ELF1: variants seen among roughly 807,000 people sequenced by gnomAD.
The protein encoded by ELF1 is ETS-related transcription factor Elf-1.
In ELF1, 24 loss-of-function variants were observed where a neutral mutation model predicts 59.9. That is an observed-to-expected ratio of 0.40 (90% CI 0.29 to 0.56). The LOEUF (loss-of-function observed/expected upper bound fraction) is 0.56, where lower values mean the gene tolerates loss of function less well. Ranked by LOEUF, ELF1 falls within the 20% of genes least tolerant of loss-of-function variation. The pLI is 0.44. For missense variants in ELF1, 627 were observed against 742.2 expected (o/e 0.84, Z 1.80); for synonymous variants, 248 against 266.2 (o/e 0.93, Z 0.67).
At chr13:41,011,384 C>A (rs1189479265) in intron 1 of ELF1, among the ~76,000 whole-genome samples, 4 of 152,168 alleles carry the variant, frequency 2.6e-5, no homozygotes, top group Non-Finnish European at 4.4e-5. Flanking sequence ...TTATTTGGGA[C>A]AGACACACAG....
intron 1 of ELF1, among the ~76,000 whole-genome samples, chr13:41,050,566 A>AT (rs1001992353): frequency 1.3e-5 from 2 of 152,192 alleles, no homozygotes; most frequent in East Asian, 1.9e-4. Flanking sequence ...TTCAAAAAAA[A>AT]TTTTTTTTGA....
At chr13:40,955,475 C>A in intron 3 of ELF1, among the ~76,000 whole-genome samples, 1 of 120,806 alleles carries the variant, frequency 8.3e-6, no homozygotes, top group Non-Finnish European at 1.8e-5. Context: ...TGAGGGGCGC[C>A]TCTGCCCGGC....
intron 1 of ELF1, among the ~76,000 whole-genome samples, chr13:41,006,371 C>G (rs1829451943): frequency 6.6e-6 from 1 of 152,090 alleles, no homozygotes; most frequent in Admixed American, 6.6e-5. Context: ...AGAAGAACAT[C>G]ACCCATTTCC....
chr13:40,999,128 T>C (rs1308660595), intron 1 of ELF1, among the ~76,000 whole-genome samples: 2 of 152,260 alleles, frequency 1.3e-5, no homozygotes, highest in Admixed American at 6.5e-5. Flanking sequence ...TAAGTATTTA[T>C]TGAATTTCCC....
At chr13:41,024,863 A>G (rs911292532) in intron 1 of ELF1, among the ~76,000 whole-genome samples, 1 of 152,178 alleles carries the variant, frequency 6.6e-6, no homozygotes, top group African/African-American at 2.4e-5. Context: ...TCAGGTAAAA[A>G]AGTACTCATC....
At chr13:41,024,079 T>C (rs1875789525), upstream of ELF1, among the ~76,000 whole-genome samples, 1 of 152,222 alleles carries the variant, frequency 6.6e-6, no homozygotes, top group Non-Finnish European at 1.5e-5. Flanking sequence ...CCAGGTAATA[T>C]GCTGACTGCA....
In ELF1 at chr13:41,001,954, A is replaced by G. The variant is rs1189522813; in HGVS notation, c.-229+17274T>C. On this transcript the variant is annotated intron_variant, in intron 1 of 8. Transcript: ENST00000239882. The stretch of plus-strand genomic sequence containing the variant: ...AAGAAACTTCTGTCTCTCTCGTTCA[A>G]TATCTAACTCCTAGTTACAATCCAA... Among the ~76,000 whole-genome samples, 4 of 152,218 alleles carry G rather than the reference A, an allele frequency of 2.6e-5. No homozygotes were observed. The East Asian group carries it at 5.8e-4, about 22-fold the overall frequency.
At chr13:41,027,802 A>G (rs529207826) in intron 1 of ELF1, among the ~76,000 whole-genome samples, 2 of 152,300 alleles carry the variant, frequency 1.3e-5, no homozygotes, top group South Asian at 4.1e-4. Flanking sequence ...CATGGAATTC[A>G]TTGGTCTTAC....
intron 1 of ELF1, among the ~76,000 whole-genome samples, chr13:41,016,390 A>G (rs1166934264): frequency 6.6e-6 from 1 of 152,214 alleles, no homozygotes; most frequent in Non-Finnish European, 1.5e-5. Context: ...GTTAACAGAC[A>G]AAAGATTTTG....
intron 1 of ELF1, among the ~76,000 whole-genome samples, chr13:41,035,593 C>T (rs1446526268): frequency 6.6e-6 from 1 of 152,048 alleles, no homozygotes; most frequent in African/African-American, 2.4e-5. Flanking sequence ...AGCAGTAAAG[C>T]TCTGCATCTG....
intron 1 of ELF1, among the ~76,000 whole-genome samples, chr13:41,035,841 AAAAAACAACAACAAC>A (rs1410678072): frequency 1.5e-4 from 23 of 150,070 alleles, no homozygotes; most frequent in Non-Finnish European, 3.4e-4. Flanking sequence ...CTTGTTAAAA[AAAAAACAACAACAAC>A]AACAACAACA....
chr13:40,974,053 C>T (rs141370050), intron 2 of ELF1, among the ~76,000 whole-genome samples: 4 of 152,254 alleles, frequency 2.6e-5, no homozygotes, highest in African/African-American at 9.6e-5. Context: ...CTAACAGGTA[C>T]AGATTTCCCT....
At chr13:40,953,767 C>G (rs905929158) in intron 3 of ELF1, among the ~76,000 whole-genome samples, 1 of 152,092 alleles carries the variant, frequency 6.6e-6, no homozygotes, top group Non-Finnish European at 1.5e-5. Context: ...TGTGGAATAA[C>G]GAAGATTACA....
At chr13:41,021,169 A>G (rs1294938643), upstream of ELF1, among the ~76,000 whole-genome samples, 3 of 152,238 alleles carry the variant, frequency 2.0e-5, no homozygotes, top group Non-Finnish European at 4.4e-5. Flanking sequence ...TTTATGTAGA[A>G]CAGGTATCTA....
chr13:41,051,981 C>T (rs1316271966), intron 1 of ELF1, among the ~76,000 whole-genome samples: 1 of 145,284 alleles, frequency 6.9e-6, no homozygotes, highest in Non-Finnish European at 1.5e-5. Flanking sequence ...CAGTCTGTCG[C>T]CCAGGCTAGA....
At chr13:41,012,896 T>A (rs1471047836) in intron 1 of ELF1, among the ~76,000 whole-genome samples, 1 of 152,244 alleles carries the variant, frequency 6.6e-6, no homozygotes, top group Non-Finnish European at 1.5e-5. Context: ...CTGTTATATA[T>A]TTTTATAACT....
Position 40,933,488 on chromosome 13 carries a change from G to A in ELF1, c.1797C>T (p.Ser599=). ...PQPYVMVVSS[S]NGFTSQVAMK... is the part of the protein sequence containing the mutation. ...TAGCTACCTGAGAAGTAAATCCATT[G>A]GAACTGGACACTACCATCACATAAG... Residue 599 remains serine (S), a synonymous_variant, in exon 9 of 9, where the codon TCC becomes TCT. Transcript: ENST00000239882. 6.8e-6 allele frequency: 11 copies of A among 1,614,200 alleles called. No homozygotes were observed. Among genetic ancestry groups the A allele is most frequent in the Non-Finnish European group, 9.3e-6 (11 of 1,180,034 alleles).
In ELF1 at chr13:40,958,871, AT is replaced by A; in HGVS notation, c.217del (p.Ile73SerfsTer2). The A allele has an allele frequency of 6.2e-7, 1 of 1,613,384 alleles. No individual in the cohort carries two copies. The highest frequency in any genetic ancestry group is 8.5e-7 in the Non-Finnish European group (1 of 1,179,706). The part of the protein sequence containing the change: ...ESSLDVAEEE[I>X]IDDDDDDITL... ...GATGTCATCATCATCATCGTCTATG[AT>A]TTCTTCTTCAGCAACATCCAGTGAA... On this transcript the variant is annotated frameshift_variant, in exon 3 of 9. Coordinates refer to ENST00000239882, the MANE Select transcript of ELF1 (RefSeq NM_172373.4). LOFTEE classifies it high-confidence loss of function.
exon 1 of ELF1, chr13:41,060,917 C>CGCTGCCGCCGCCGCTGCCGCT (rs1555283660): frequency 3.3e-5 from 1 of 30,332 alleles, no homozygotes; most frequent in African/African-American, 1.7e-4. Context: ...CTGCTGCTGC[C>CGCTGCCGCCGCCGCTGCCGCT]GCCGCCGCCG....
Sources: allele counts gnomAD v4.1 joint callset (sites outside exome capture counted in the v4.1 genomes callset), GRCh38; gene constraint gnomAD v4.1.1; transcripts MANE v1.5; gene names NCBI Gene and HGNC (gene_info 2026-07-23, HGNC 2026-07-21).